Variants in GGACT observed in about 807,000 individuals in gnomAD.
The protein encoded by GGACT is gamma-glutamylaminecyclotransferase.
For missense variants in GGACT, 241 were observed against 233.2 expected (o/e 1.03, Z -0.22); for synonymous variants, 118 against 115.3 (o/e 1.02, Z -0.15).
chr13:100,551,145 G>C (rs2153014171), intron 2 of GGACT, among the ~76,000 whole-genome samples: 1 of 152,190 alleles, frequency 6.6e-6, no homozygotes, highest in East Asian at 1.9e-4. Flanking sequence ...TTAGCCGGGT[G>C]TGGTGGCGGG....
At chr13:100,579,847 T>C (rs1388546898) in intron 2 of GGACT, among the ~76,000 whole-genome samples, 1 of 152,220 alleles carries the variant, frequency 6.6e-6, no homozygotes, top group Non-Finnish European at 1.5e-5. Flanking sequence ...CTATTGTTAA[T>C]CTTTGTCATT....
intron 1 of GGACT, among the ~76,000 whole-genome samples, chr13:100,585,936 C>A (rs143105627): frequency 6.7e-6 from 1 of 149,162 alleles, no homozygotes; most frequent in Non-Finnish European, 1.5e-5. Context: ...TCCAGGAGTT[C>A]GAGGTTACAG....
chr13:100,560,541 G>A (rs1454551715), intron 2 of GGACT, among the ~76,000 whole-genome samples: 1 of 152,214 alleles, frequency 6.6e-6, no homozygotes, highest in Non-Finnish European at 1.5e-5. Flanking sequence ...AATGGACAGG[G>A]AGTGAGCATC....
At position 100,530,192 on chromosome 13, in the gene GGACT, C is replaced by T. The variant is rs1333054872; in HGVS notation, c.*1938G>A. ...AGGATTTATAACCTTTCAGTCATCA[C>T]CCAATTTAATTAGCCATTTGCATGA... On this transcript the variant is annotated 3_prime_UTR_variant, in exon 3 of 3. Coordinates refer to ENST00000683975, the MANE Select transcript of GGACT (RefSeq NM_001195087.2). 6.3e-7 allele frequency: 1 copy of T among 1,578,884 alleles called. No homozygotes were observed.
In GGACT at chr13:100,532,213, C is replaced by G; in HGVS notation, c.379G>C (p.Glu127Gln). 1 of 1,482,254 alleles carries G rather than the reference C, an allele frequency of 6.7e-7. No individual in the cohort carries two copies. The highest frequency in any genetic ancestry group is 9.0e-7 in the Non-Finnish European group (1 of 1,109,000). 91.8% of individuals were successfully genotyped at this position (1,482,254 alleles called of 1,614,324 possible). Residue 127 changes from glutamate (E) to glutamine (Q), a missense_variant, in exon 3 of 3, where the codon GAG becomes CAG. By Grantham distance (29) the Glu-to-Gln change is conservative (BLOSUM62 2). Transcript: ENST00000683975. ...TCATGGTGCGGGAGCTGGGCCCACT[C>G]CGGCGGGAAGGTGGCCCTGCTGTAC... ...FVYSRATFPP[E>Q]WAQLPHHDSY...
intron 2 of GGACT, among the ~76,000 whole-genome samples, chr13:100,548,830 T>C (rs2088631692): frequency 1.3e-5 from 2 of 152,218 alleles, no homozygotes; most frequent in Admixed American, 6.5e-5. Context: ...CAGGGTGGGA[T>C]AGACTGCAGG....
intron 2 of GGACT, among the ~76,000 whole-genome samples, chr13:100,567,414 T>C (rs1874929714): frequency 6.6e-6 from 1 of 152,218 alleles, no homozygotes; most frequent in Non-Finnish European, 1.5e-5. Context: ...AGCTTCTCTG[T>C]CCCCTTGGCC....
rs544019377 is a variant in GGACT, at chr13:100,534,758, C to A, written c.-10-2157G>T. Among the ~76,000 whole-genome samples, 4 of 152,290 alleles carry A rather than the reference C, an allele frequency of 2.6e-5. No individual in the cohort carries two copies. In the South Asian group the frequency reaches 8.3e-4, roughly 32 times the overall value. ...ACCTGCTCTCCTCCTCCAATGCCTG[C>A]CTGCATCCCTGTTGTCTTTGTTCCC... On this transcript the variant is annotated intron_variant, in intron 2 of 2. Coordinates refer to ENST00000683975, the MANE Select transcript of GGACT (RefSeq NM_001195087.2). The surrounding 1 kb of genome is among the most constrained non-coding windows in gnomAD (Gnocchi z 4.9).
chr13:100,565,243 T>C (rs1047444025), intron 2 of GGACT, among the ~76,000 whole-genome samples: 14 of 152,268 alleles, frequency 9.2e-5, no homozygotes, highest in African/African-American at 3.4e-4. Flanking sequence ...TTCAAAAAAC[T>C]GGGAGATTTC....
chr13:100,536,460 A>AT (rs1566528429), intron 2 of GGACT: 2 of 136,096 alleles, frequency 1.5e-5, no homozygotes, highest in South Asian at 2.4e-4. Context: ...TCTATTAAAA[A>AT]TTTTTTTGCC....
At chr13:100,557,236 G>C (rs1464719747) in intron 2 of GGACT, among the ~76,000 whole-genome samples, 1 of 152,172 alleles carries the variant, frequency 6.6e-6, no homozygotes. Flanking sequence ...CAATAAACAA[G>C]ACAGTGTGGA....
chr13:100,535,905 C>G (rs2088484820), intron 2 of GGACT: 1 of 152,052 alleles, frequency 6.6e-6, no homozygotes, highest in Non-Finnish European at 1.5e-5. Flanking sequence ...GCTGGAAGGT[C>G]CTCCCTGCCA....
chr13:100,561,868 C>G (rs963204081), intron 2 of GGACT, among the ~76,000 whole-genome samples: 6 of 152,152 alleles, frequency 3.9e-5, no homozygotes, highest in Non-Finnish European at 8.8e-5. Flanking sequence ...GGAGTGGGAT[C>G]CCCTGGGAGT....
intron 2 of GGACT, chr13:100,538,579 A>G (rs1008744164): frequency 1.3e-5 from 2 of 152,230 alleles, no homozygotes; most frequent in Non-Finnish European, 2.9e-5. Context: ...CCCATTAAAC[A>G]ATAACCACGG....
chr13:100,550,299 TACACACACACACACACACACACACAC>T (rs755235689), intron 2 of GGACT, among the ~76,000 whole-genome samples: 15 of 27,274 alleles, frequency 5.5e-4, no homozygotes, highest in African/African-American at 1.9e-3. Flanking sequence ...GATTATACTC[TACACACACACACACACACACACACAC>T]ACACACACAC....
At chr13:100,585,170 T>C (rs2153017647) in intron 1 of GGACT, among the ~76,000 whole-genome samples, 1 of 152,276 alleles carries the variant, frequency 6.6e-6, no homozygotes, top group East Asian at 1.9e-4. Context: ...CTACAGGCAA[T>C]CAACCAAGTA....
At chr13:100,561,279 C>G (rs1050452672) in intron 2 of GGACT, among the ~76,000 whole-genome samples, 1 of 152,116 alleles carries the variant, frequency 6.6e-6, no homozygotes, top group Admixed American at 6.5e-5. Flanking sequence ...TAGGAACAGC[C>G]CCAGAGAGCT....
chr13:100,574,766 C>T (rs1335922995), intron 2 of GGACT, among the ~76,000 whole-genome samples: 1 of 151,980 alleles, frequency 6.6e-6, no homozygotes, highest in Admixed American at 6.6e-5. Flanking sequence ...CTGTAAAAAA[C>T]CTGCACAGGT....
chr13:100,562,503 G>C (rs1018734108), intron 2 of GGACT, among the ~76,000 whole-genome samples: 2 of 152,100 alleles, frequency 1.3e-5, no homozygotes, highest in Non-Finnish European at 2.9e-5. Context: ...ACTGGTAAGA[G>C]AGGCACATGA....
Sources: gnomAD v4.1 joint callset for allele counts (sites outside exome capture counted in the v4.1 genomes callset) on GRCh38, gnomAD v4.1.1 for gene constraint, Gnocchi (gnomAD v3.1) non-coding constraint, MANE v1.5 for transcripts, NCBI Gene and HGNC (gene_info 2026-07-23, HGNC 2026-07-21) for gene names.